NRG1: variants seen among roughly 807,000 people sequenced by gnomAD.
NRG1 encodes the protein pro-neuregulin-1, membrane-bound isoform.
NRG1 carries 18 observed loss-of-function variants against 63.8 expected under a neutral mutation model. The ratio of observed to expected loss-of-function variants is 0.28; its 90% CI spans 0.19 to 0.42. NRG1 has a LOEUF of 0.42. Ranked by LOEUF, NRG1 falls within the 10% of genes least tolerant of loss-of-function variation. The pLI, the probability that NRG1 is intolerant of heterozygous loss-of-function variation, is 1.00. For missense variants in NRG1, 762 were observed against 814.7 expected, an observed-to-expected ratio of 0.94 and a Z score of 0.79; for synonymous variants, 302 against 301.3, an observed-to-expected ratio of 1.00 and a Z score of -0.02.
chr8:32,761,898 G>C (rs184836265), intron 11 of NRG1, among the ~76,000 whole-genome samples: 38 of 152,082 alleles, frequency 2.5e-4, no homozygotes, highest in African/African-American at 8.2e-4. Flanking sequence ...AATTAGCTGG[G>C]TATGGTGGTG....
intron 1 of NRG1, among the ~76,000 whole-genome samples, chr8:32,087,749 G>A (rs760554904): frequency 5.3e-5 from 8 of 152,088 alleles, no homozygotes; most frequent in East Asian, 1.9e-4. Context: ...GATTACAGGC[G>A]TGAGGCGCTG....
intron 1 of NRG1, among the ~76,000 whole-genome samples, chr8:31,775,590 T>C (rs1006705851): frequency 1.3e-5 from 2 of 152,108 alleles, no homozygotes; most frequent in Non-Finnish European, 1.5e-5. Flanking sequence ...AAATATATTT[T>C]AAAAATCCAT....
chr8:32,142,529 T>G (rs886628608), intron 1 of NRG1, among the ~76,000 whole-genome samples: 3 of 152,162 alleles, frequency 2.0e-5, no homozygotes, highest in African/African-American at 7.2e-5. Flanking sequence ...AACATATTGT[T>G]TAGTCAGGAG....
At chr8:32,491,500 CA>C (rs1193732668) in intron 1 of NRG1, among the ~76,000 whole-genome samples, 1 of 152,148 alleles carries the variant, frequency 6.6e-6, no homozygotes, top group Non-Finnish European at 1.5e-5. Flanking sequence ...AGTTTATGAG[CA>C]AAATGTTCTT....
At chr8:31,954,462 G>A (rs1480471781) in intron 1 of NRG1, among the ~76,000 whole-genome samples, 1 of 152,190 alleles carries the variant, frequency 6.6e-6, no homozygotes, top group Non-Finnish European at 1.5e-5. Flanking sequence ...GTGTTTTAGT[G>A]TACCTAAACA....
exon 1 of NRG1, chr8:31,639,423 G>A (rs2130816433): frequency 6.5e-7 from 1 of 1,534,862 alleles, no homozygotes; most frequent in East Asian, 2.4e-5. Flanking sequence ...GGCCGAGTTG[G>A]CACCACAGGT....
intron 1 of NRG1, among the ~76,000 whole-genome samples, chr8:32,411,774 C>T (rs1308861517): frequency 1.3e-5 from 2 of 152,222 alleles, no homozygotes; most frequent in East Asian, 1.9e-4. Context: ...TCAATGTGTC[C>T]CTTGTGTAAA....
chr8:32,534,491 T>A (rs1831764844), intron 1 of NRG1, among the ~76,000 whole-genome samples: 1 of 152,178 alleles, frequency 6.6e-6, no homozygotes, highest in East Asian at 1.9e-4. Context: ...GCTTAAGTTT[T>A]ATTAATTTCA....
intron 7 of NRG1, among the ~76,000 whole-genome samples, chr8:32,750,774 G>A (rs1484912763): frequency 1.3e-5 from 2 of 150,986 alleles, no homozygotes; most frequent in Non-Finnish European, 2.9e-5. Context: ...CCAGGTGCAC[G>A]TGAATGGGCC....
intron 1 of NRG1, among the ~76,000 whole-genome samples, chr8:32,266,747 CT>C (rs1850981308): frequency 6.6e-6 from 1 of 151,896 alleles, no homozygotes; most frequent in Admixed American, 6.6e-5. Flanking sequence ...AGAAAAAATT[CT>C]TTCTGGGCTG....
intron 5 of NRG1, among the ~76,000 whole-genome samples, chr8:32,655,720 A>G (rs2466050): frequency 0.078 from 11,904 of 152,214 alleles, 509 homozygotes; most frequent in South Asian, 0.12. Flanking sequence ...TGAGTTACAT[A>G]GATTATTACT....
intron 1 of NRG1, among the ~76,000 whole-genome samples, chr8:32,387,048 G>T (rs909687076): frequency 1.3e-5 from 2 of 152,194 alleles, no homozygotes; most frequent in Non-Finnish European, 2.9e-5. Context: ...TATCAGGAGA[G>T]ATTCACTAAA....
At chr8:31,920,884 G>GATAGA (rs1833847129) in intron 1 of NRG1, among the ~76,000 whole-genome samples, 1 of 147,102 alleles carries the variant, frequency 6.8e-6, no homozygotes, top group African/African-American at 2.5e-5. Flanking sequence ...AGATAGATAG[G>GATAGA]TAGATAGATA....
rs546985624 is a variant in NRG1, at chr8:31,680,616, T to C, written c.37+41185T>C. Among the ~76,000 whole-genome samples the C allele has an allele frequency of 4.5e-3, 676 of 150,892 alleles. 9 individuals are homozygous for C. The highest frequency in any genetic ancestry group is 0.016 in the African/African-American group (638 of 41,114). ...CAACAAACATACGTGTGCATGTGTCTTTATAGCAGCATGATTTATAGTCCT... is the reference window on the plus strand; with the variant it reads ...CAACAAACATACGTGTGCATGTGTCCTTATAGCAGCATGATTTATAGTCCT... On this transcript the variant is annotated intron_variant, in intron 1 of 10. Transcript: ENST00000519301.
chr8:31,814,389 T>G (rs1823231074), intron 1 of NRG1, among the ~76,000 whole-genome samples: 1 of 152,224 alleles, frequency 6.6e-6, no homozygotes, highest in African/African-American at 2.4e-5. Flanking sequence ...TGGACCTCAG[T>G]TACGCAACTG....
chr8:31,673,331 C>T (rs1046308613), intron 1 of NRG1, among the ~76,000 whole-genome samples: 1 of 152,152 alleles, frequency 6.6e-6, no homozygotes, highest in African/African-American at 2.4e-5. Context: ...CTCTTGCTGG[C>T]CACGTGGTCC....
At chr8:32,748,925 C>A in intron 7 of NRG1, 1 of 244,962 alleles carries the variant, frequency 4.1e-6, no homozygotes, top group Non-Finnish European at 8.1e-6. Context: ...ATGAAACAGA[C>A]AAGTGATGAG....
chr8:32,069,396 A>G (rs1321838244), intron 1 of NRG1, among the ~76,000 whole-genome samples: 1 of 152,210 alleles, frequency 6.6e-6, no homozygotes, highest in African/African-American at 2.4e-5. Context: ...AATCAGCTTG[A>G]GACACAGTCT....
intron 1 of NRG1, among the ~76,000 whole-genome samples, chr8:32,202,645 C>T (rs916295059): frequency 5.9e-5 from 9 of 151,970 alleles, no homozygotes; most frequent in Non-Finnish European, 8.8e-5. Context: ...GGAGGTGGCT[C>T]TCAGCAGGAA....
Sources: gnomAD v4.1 joint callset for allele counts (sites outside exome capture counted in the v4.1 genomes callset) on GRCh38, gnomAD v4.1.1 for gene constraint, MANE v1.5 for transcripts, NCBI Gene and HGNC (gene_info 2026-07-23, HGNC 2026-07-21) for gene names.